Variants in NRXN3 observed in about 807,000 individuals in gnomAD.
NRXN3 encodes neurexin III.
NRXN3 carries 32 observed loss-of-function variants against 137.6 expected under a neutral mutation model. The observed-to-expected ratio is 0.23, with a 90% CI of 0.18 to 0.31. The LOEUF (loss-of-function observed/expected upper bound fraction) is 0.31. Ranked by LOEUF, NRXN3 falls within the 10% of genes least tolerant of loss-of-function variation. The pLI, the probability that NRXN3 is intolerant of heterozygous loss-of-function variation, is 1.00. For synonymous variants in NRXN3, 798 were observed against 784.5 expected (o/e 1.02, Z -0.29); for missense variants, 1,574 against 2,062.5 (o/e 0.76, Z 4.59).
chr14:79,697,821 T>C lies in NRXN3; in HGVS notation c.3898T>C (p.Leu1300=), dbSNP rs754875095. Residue 1300 remains leucine (L), a synonymous_variant, in exon 19 of 21, where the codon TTG becomes CTG. Coordinates refer to ENST00000335750, the MANE Select transcript of NRXN3 (RefSeq NM_001330195.2). ...GCTGGTTGGAGAAGTCCCATCAATTTTGGGAACAACACAGACGACCTCCAT... is the reference window on the plus strand; with the variant it reads ...GCTGGTTGGAGAAGTCCCATCAATTCTGGGAACAACACAGACGACCTCCAT... ...VRLVGEVPSI[L]GTTQTTSMPP... The C allele has an allele frequency of 1.2e-6, 2 of 1,613,222 alleles. No individual in the cohort carries two copies. The highest frequency in any genetic ancestry group is 1.7e-6 in the Non-Finnish European group (2 of 1,179,478).
At chr14:79,158,063 A>C (rs1215084183) in intron 15 of NRXN3, among the ~76,000 whole-genome samples, 1 of 151,752 alleles carries the variant, frequency 6.6e-6, no homozygotes. Context: ...TTAAGAAGAT[A>C]ATAATTTCTT....
At chr14:78,509,926 A>G (rs943554827) in intron 4 of NRXN3, among the ~76,000 whole-genome samples, 1 of 152,074 alleles carries the variant, frequency 6.6e-6, no homozygotes, top group African/African-American at 2.4e-5. Flanking sequence ...TGCTCTTGAA[A>G]GTAAAGGTTC....
Position 79,805,200 on chromosome 14 carries a change from G to A in NRXN3, c.4093+10G>A. 1.9e-6 allele frequency: 3 copies of A among 1,611,712 alleles called. No homozygotes were observed. Among genetic ancestry groups the A allele is most frequent in the African/African-American group, 1.3e-5 (1 of 74,906 alleles). ...TGTGAGCCGAGTACAGGTAGGTCAG[G>A]TCAGTCTTATTTTGCTTGCTTTCTT... is the stretch of plus-strand genomic sequence containing the variant. On this transcript the variant is annotated intron_variant, in intron 20 of 20. Coordinates refer to ENST00000335750, the MANE Select transcript of NRXN3 (RefSeq NM_001330195.2).
chr14:78,682,010 G>A (rs917467889), intron 6 of NRXN3, among the ~76,000 whole-genome samples: 4 of 152,056 alleles, frequency 2.6e-5, no homozygotes, highest in Non-Finnish European at 5.9e-5. Context: ...AGCGATTACA[G>A]GCGAGCGCCA....
intron 4 of NRXN3, among the ~76,000 whole-genome samples, chr14:78,372,873 T>C (rs1297417262): frequency 6.6e-6 from 1 of 152,096 alleles, no homozygotes. Flanking sequence ...AAGTATGCTA[T>C]AAAAAATAAA....
rs777727167 is a variant in NRXN3, at chr14:78,170,659, C to A, written c.-719C>A. ...GACATACAGACAGATCCCAAATCTT[C>A]TGTTCAACTGGAAAGGTAAGGTTTG... On this transcript the variant is annotated 5_prime_UTR_variant, in exon 1 of 21. The change creates a new upstream start codon in the 5' untranslated region. Transcript: ENST00000335750. 2 of 152,222 alleles carry A rather than the reference C, an allele frequency of 1.3e-5. No individual in the cohort carries two copies. The highest frequency in any genetic ancestry group is 2.4e-5 in the African/African-American group (1 of 41,454). The allele number at this position is 152,222 out of a possible 1,614,324, so 9.4% of individuals were successfully genotyped here. A position where few individuals can be genotyped will look rare whatever the true frequency, so the allele number is the denominator to read the frequency against.
intron 15 of NRXN3, among the ~76,000 whole-genome samples, chr14:79,141,377 A>T (rs2058773764): frequency 1.3e-5 from 2 of 152,204 alleles, no homozygotes; most frequent in Non-Finnish European, 2.9e-5. Context: ...AAATTAGATT[A>T]TTCATGGAAT....
At chr14:79,471,822 C>A (rs2096512620) in intron 16 of NRXN3, among the ~76,000 whole-genome samples, 1 of 152,052 alleles carries the variant, frequency 6.6e-6, no homozygotes, top group Non-Finnish European at 1.5e-5. Flanking sequence ...GTGCTATGAG[C>A]ACTTTTCTTC....
chr14:78,373,929 T>G (rs1209953705), intron 4 of NRXN3, among the ~76,000 whole-genome samples: 1 of 152,236 alleles, frequency 6.6e-6, no homozygotes, highest in Non-Finnish European at 1.5e-5. Context: ...TTTGCCATAT[T>G]CTTTTTAAAA....
At chr14:79,685,626 A>G (rs1180143481) in intron 17 of NRXN3, among the ~76,000 whole-genome samples, 1 of 152,220 alleles carries the variant, frequency 6.6e-6, no homozygotes, top group Admixed American at 6.5e-5. Flanking sequence ...AAGAGGTTGC[A>G]GTCGCCTGGG....
chr14:78,927,756 T>C (rs1307863654), intron 10 of NRXN3, among the ~76,000 whole-genome samples: 2 of 152,156 alleles, frequency 1.3e-5, no homozygotes, highest in African/African-American at 2.4e-5. Flanking sequence ...ATTTATTTCT[T>C]TGATGCATGC....
chr14:78,371,856 A>G (rs2086893692), intron 4 of NRXN3, among the ~76,000 whole-genome samples: 1 of 152,250 alleles, frequency 6.6e-6, no homozygotes, highest in Admixed American at 6.5e-5. Context: ...GTATTGTTCT[A>G]AGCCATAATT....
At chr14:78,851,277 A>AT (rs1413063016) in intron 10 of NRXN3, among the ~76,000 whole-genome samples, 3 of 152,104 alleles carry the variant, frequency 2.0e-5, no homozygotes, top group Non-Finnish European at 2.9e-5. Context: ...GTGTTGACAT[A>AT]TTTTTACGGT....
intron 16 of NRXN3, chr14:79,611,405 C>G (rs553662311): frequency 6.6e-6 from 1 of 152,180 alleles, no homozygotes; most frequent in Non-Finnish European, 1.5e-5. Context: ...CAAGACCATC[C>G]TGGCTAACAC....
At chr14:78,649,924 G>A (rs967121888) in intron 5 of NRXN3, among the ~76,000 whole-genome samples, 4 of 151,988 alleles carry the variant, frequency 2.6e-5, no homozygotes, top group Admixed American at 6.5e-5. Context: ...TTCCTGTCTC[G>A]TGAATTTTCC....
At chr14:79,319,564 T>C (rs1268885829) in intron 15 of NRXN3, among the ~76,000 whole-genome samples, 1 of 152,122 alleles carries the variant, frequency 6.6e-6, no homozygotes, top group Non-Finnish European at 1.5e-5. Context: ...TTCGGAGTGA[T>C]GAGATGAATA....
intron 10 of NRXN3, among the ~76,000 whole-genome samples, chr14:78,858,705 C>T (rs144508632): frequency 1.3e-5 from 2 of 152,256 alleles, no homozygotes; most frequent in East Asian, 1.9e-4. Context: ...TCAGTGGACT[C>T]AGGTTTCCGG....
At chr14:79,767,169 C>T (rs1166898797) in intron 19 of NRXN3, among the ~76,000 whole-genome samples, 2 of 152,186 alleles carry the variant, frequency 1.3e-5, no homozygotes, top group African/African-American at 4.8e-5. Flanking sequence ...AATCTGTCTC[C>T]TGCCTCTGTA....
chr14:79,652,677 TG>T (rs1467995372), intron 16 of NRXN3, among the ~76,000 whole-genome samples: 1 of 152,104 alleles, frequency 6.6e-6, no homozygotes. Context: ...GTCAGCTCCC[TG>T]TGACATGTTT....
Sources: gnomAD v4.1 joint callset for allele counts (sites outside exome capture counted in the v4.1 genomes callset) on GRCh38, gnomAD v4.1.1 for gene constraint, MANE v1.5 for transcripts, NCBI Gene and HGNC (gene_info 2026-07-23, HGNC 2026-07-21) for gene names.